PAK4: variants seen among roughly 807,000 people sequenced by gnomAD.
PAK4 encodes the protein p21 (RAC1) activated kinase 4, also known as serine/threonine-protein kinase PAK 4.
PAK4 carries 49 observed loss-of-function variants against 53.5 expected under a neutral mutation model. The ratio of observed to expected loss-of-function variants is 0.92; its 90% CI spans 0.73 to 1.16. PAK4 has a LOEUF of 1.16. PAK4 is among the 50% of genes most tolerant of loss of function. The probability of loss-of-function intolerance (pLI) is 0.00; values close to 1 mark genes in which losing one functional copy is unlikely to be tolerated. For synonymous variants in PAK4, 376 were observed against 375.6 expected, an observed-to-expected ratio of 1.00 and a Z score of -0.01; for missense variants, 824 against 850.7, an observed-to-expected ratio of 0.97 and a Z score of 0.39.
At chr19:39,176,419 G>A in intron 6 of PAK4, 171 bp from the exon 8 acceptor site, 3 of 810,146 alleles carry the variant, frequency 3.7e-6, no homozygotes, top group East Asian at 2.5e-5. Flanking sequence ...CCAGGAGGTG[G>A]TGGAGCTCCC....
At chr19:39,133,877 T>G (rs1215581194) in intron 1 of PAK4, among the ~76,000 whole-genome samples, 1 of 152,154 alleles carries the variant, frequency 6.6e-6, no homozygotes, top group African/African-American at 2.4e-5. Flanking sequence ...CTGCGTGGGG[T>G]GCCAGCCCCC....
intron 1 of PAK4, among the ~76,000 whole-genome samples, chr19:39,159,969 C>G (rs1420803181): frequency 1.3e-5 from 2 of 152,220 alleles, no homozygotes; most frequent in Non-Finnish European, 2.9e-5. Context: ...AGGCACCCCC[C>G]ATGTGATTTG....
chr19:39,155,233 A>C (rs1462729851), intron 1 of PAK4, among the ~76,000 whole-genome samples: 1 of 152,048 alleles, frequency 6.6e-6, no homozygotes, highest in African/African-American at 2.4e-5. Context: ...TAGGGTGTCA[A>C]CTCCCGTGGG....
chr19:39,150,289 A>G (rs1456041195), intron 1 of PAK4, among the ~76,000 whole-genome samples: 3 of 152,002 alleles, frequency 2.0e-5, no homozygotes, highest in Admixed American at 6.6e-5. Flanking sequence ...GAGCTCTTGA[A>G]AAAAGAGCTC....
chr19:39,149,493 G>A (rs539909959), intron 1 of PAK4, among the ~76,000 whole-genome samples: 11 of 152,278 alleles, frequency 7.2e-5, no homozygotes, highest in African/African-American at 2.6e-4. Context: ...TTCGGGGGCA[G>A]GAGGATCACC....
intron 1 of PAK4, among the ~76,000 whole-genome samples, chr19:39,132,578 TGGCCATCA>T (rs2073733674): frequency 1.3e-5 from 2 of 152,282 alleles, no homozygotes; most frequent in African/African-American, 4.8e-5. Flanking sequence ...TCTGTGCTGA[TGGCCATCA>T]GGCCATTCCC....
chr19:39,139,934 T>C (rs770928932), intron 1 of PAK4, among the ~76,000 whole-genome samples: 34 of 152,270 alleles, frequency 2.2e-4, no homozygotes, highest in Non-Finnish European at 4.4e-4. Context: ...TTCTGGGTGC[T>C]TTTCTAGGCT....
At chr19:39,129,196 C>T (rs910052941) in intron 1 of PAK4, among the ~76,000 whole-genome samples, 3 of 152,074 alleles carry the variant, frequency 2.0e-5, no homozygotes, top group Non-Finnish European at 4.4e-5. Flanking sequence ...GGCGCGCACA[C>T]CTGCTCCCCG....
chr19:39,156,040 C>G (rs1007676806), intron 1 of PAK4, among the ~76,000 whole-genome samples: 1 of 152,184 alleles, frequency 6.6e-6, no homozygotes, highest in African/African-American at 2.4e-5. Flanking sequence ...CCATCCACAC[C>G]TCCCGGCCCT....
At position 39,172,917 on chromosome 19, in the gene PAK4, G is replaced by C. The variant is rs1258700225; in HGVS notation, c.205-1G>C. 6.6e-7 allele frequency: 1 copy of C among 1,526,704 alleles called. No individual in the cohort carries two copies. The highest frequency in any genetic ancestry group is 8.8e-7 in the Non-Finnish European group (1 of 1,130,104). The allele number at this position is 1,526,704 out of a possible 1,614,324, so 94.6% of individuals were successfully genotyped here. On this transcript the variant is annotated splice_acceptor_variant, in intron 2 of 8. Transcript: ENST00000358301. LOFTEE classifies it high-confidence loss of function. ...CCACCCACCATTGCCTGGGACCCCA[G>C]ACCATCGTGCGGGGCAGCAAAGGTG...
chr19:39,176,117 C>T (rs959104244), intron 6 of PAK4, among the ~76,000 whole-genome samples: 2 of 152,182 alleles, frequency 1.3e-5, no homozygotes, highest in Admixed American at 6.5e-5. Context: ...CCTCAAAAAT[C>T]GGAAAGGGAC....
chr19:39,172,869 G>C, intron 2 of PAK4, 49 bp from the exon 4 acceptor site: 1 of 1,445,150 alleles, frequency 6.9e-7, no homozygotes, highest in East Asian at 2.5e-5. Context: ...CACGTCCTGT[G>C]TGCCCCACTC....
At chr19:39,132,413 G>A (rs1390197298) in intron 1 of PAK4, among the ~76,000 whole-genome samples, 2 of 152,066 alleles carry the variant, frequency 1.3e-5, no homozygotes, top group Non-Finnish European at 2.9e-5. Flanking sequence ...CCAAGTGCCC[G>A]CCCCTCCCTT....
chr19:39,179,588 A>C (rs2074679363), downstream of PAK4: 1 of 152,162 alleles, frequency 6.6e-6, no homozygotes, highest in Non-Finnish European at 1.5e-5. Flanking sequence ...GCCACTCCCC[A>C]GAATGGGGCA....
At chr19:39,130,054 G>C (rs1407763763) in intron 1 of PAK4, among the ~76,000 whole-genome samples, 2 of 151,728 alleles carry the variant, frequency 1.3e-5, no homozygotes, top group East Asian at 3.9e-4. Flanking sequence ...GGCCAGGGCT[G>C]TGAAGGAGAG....
At chr19:39,133,488 G>A (rs79233472) in intron 1 of PAK4, among the ~76,000 whole-genome samples, 2,427 of 152,198 alleles carry the variant, frequency 0.016, 71 homozygotes, top group African/African-American at 0.055. Flanking sequence ...ACCTGGCCCC[G>A]TCACAGAGCA....
intron 2 of PAK4, 57 bp downstream of exon 3, chr19:39,169,814 G>A (rs1226117603): frequency 1.5e-6 from 2 of 1,295,244 alleles, no homozygotes; most frequent in East Asian, 4.9e-5. Flanking sequence ...AGTGGCCCTG[G>A]CCCTCAACCC....
chr19:39,153,468 G>T (rs183156313), intron 1 of PAK4, among the ~76,000 whole-genome samples: 1 of 152,114 alleles, frequency 6.6e-6, no homozygotes, highest in Non-Finnish European at 1.5e-5. Context: ...TTGAAACAGA[G>T]TCTCACTCTG....
intron 1 of PAK4, among the ~76,000 whole-genome samples, chr19:39,132,309 G>C (rs1465353600): frequency 6.6e-6 from 1 of 152,198 alleles, no homozygotes; most frequent in Admixed American, 6.5e-5. Context: ...ACAGGGACGA[G>C]CAAATCTCTT....
Sources: gnomAD v4.1 joint callset for allele counts (sites outside exome capture counted in the v4.1 genomes callset) on GRCh38, gnomAD v4.1.1 for gene constraint, MANE v1.5 for transcripts, NCBI Gene and HGNC (gene_info 2026-07-23, HGNC 2026-07-21) for gene names.